The following TRAPPC9 variants were observed in gnomAD, a reference collection of about 807,000 sequenced individuals.
TRAPPC9 encodes the protein trafficking protein particle complex subunit 9, also known as IKK2 binding protein.
Under a neutral mutation model 124.0 loss-of-function variants are expected in TRAPPC9, and 83 were observed. That is an observed-to-expected ratio of 0.67 (90% CI 0.56 to 0.80). The LOEUF (loss-of-function observed/expected upper bound fraction) is 0.80, where lower values mean the gene tolerates loss of function less well. TRAPPC9 is among the 30% of genes least tolerant of loss of function. TRAPPC9 has a pLI of 0.00. For missense variants in TRAPPC9, 1,302 were observed against 1,508.3 expected (o/e 0.86, Z 2.27); for synonymous variants, 638 against 617.5 (o/e 1.03, Z -0.49).
chr8:140,133,963 C>A (rs574215564), intron 17 of TRAPPC9, among the ~76,000 whole-genome samples: 202 of 150,698 alleles, frequency 1.3e-3, no homozygotes, highest in Non-Finnish European at 2.1e-3. Flanking sequence ...TGTTAAGATG[C>A]CAATACTACC....
At position 139,984,607 on chromosome 8, in the gene TRAPPC9, C is replaced by T. The variant is rs1434728861; in HGVS notation, c.2810+4119G>A. On this transcript the variant is annotated intron_variant, in intron 19 of 22. Transcript: ENST00000438773. The surrounding 1 kb of genome is among the most constrained non-coding windows in gnomAD (Gnocchi z 4.3). ...GGTCTGAGGTCTGTAAGGTGCTGTC[C>T]GGCGTTGCGAAGTAAGGTAGAGCCA... Among the ~76,000 whole-genome samples, 5 of 152,106 alleles carry T rather than the reference C, an allele frequency of 3.3e-5. No individual in the cohort carries two copies. In the East Asian group the frequency reaches 7.7e-4, roughly 23 times the overall value.
At chr8:140,143,313 T>A (rs1185742471) in intron 17 of TRAPPC9, among the ~76,000 whole-genome samples, 1 of 152,218 alleles carries the variant, frequency 6.6e-6, no homozygotes, top group Non-Finnish European at 1.5e-5. Context: ...AGGCTTCAGC[T>A]GCACTGCCCA....
At chr8:140,278,800 G>A (rs1396022482) in intron 14 of TRAPPC9, among the ~76,000 whole-genome samples, 1 of 152,228 alleles carries the variant, frequency 6.6e-6, no homozygotes, top group Non-Finnish European at 1.5e-5. Flanking sequence ...AATGCTCTCT[G>A]CCACATCCCA....
chr8:139,772,826 T>C (rs745723386), intron 21 of TRAPPC9, among the ~76,000 whole-genome samples: 23 of 151,688 alleles, frequency 1.5e-4, no homozygotes, highest in Non-Finnish European at 2.1e-4. Flanking sequence ...ACTGGTGTCA[T>C]TATAAGAGGA....
At chr8:140,339,345 A>G (rs927495057) in intron 9 of TRAPPC9, among the ~76,000 whole-genome samples, 1 of 152,272 alleles carries the variant, frequency 6.6e-6, no homozygotes, top group Non-Finnish European at 1.5e-5. Context: ...TCTAATAATT[A>G]TTCTCTGTCA....
At chr8:140,335,342 G>A (rs2067006604) in intron 9 of TRAPPC9, among the ~76,000 whole-genome samples, 1 of 152,054 alleles carries the variant, frequency 6.6e-6, no homozygotes, top group Non-Finnish European at 1.5e-5. Context: ...ATGGGAAGAG[G>A]GGAAATCCCC....
At chr8:140,439,340 C>G (rs762327341) in intron 2 of TRAPPC9, 143 bp from the exon 3 acceptor site, 3 of 930,708 alleles carry the variant, frequency 3.2e-6, no homozygotes, top group Non-Finnish European at 4.8e-6. Flanking sequence ...CAGCAATAAT[C>G]ATTGCCAGTT....
In TRAPPC9 at chr8:140,024,055, T is replaced by C; in HGVS notation, c.2581A>G (p.Lys861Glu). 3.1e-6 allele frequency: 5 copies of C among 1,613,880 alleles called. No homozygotes were observed. The change falls in exon 18 of 23, where the codon AAA becomes GAA. Residue 861 changes from lysine (K) to glutamate (E), a missense_variant. Lys to Glu is a moderately conservative substitution (Grantham distance 56). This residue lies in a region of TRAPPC9 where 640 missense variants were observed against 679.3 expected (regional missense o/e 0.94). Transcript: ENST00000438773. ...VKTLEAVLNF[K>E]YSGGPGHTEG... ...GTGTGGCCCGGGCCTCCAGAGTATT[T>C]GAAATTCAGGACAGCTTCCAGGGTC... is the stretch of plus-strand genomic sequence containing the variant.
chr8:140,148,250 GA>G, intron 17 of TRAPPC9, among the ~76,000 whole-genome samples: 1 of 152,334 alleles, frequency 6.6e-6, no homozygotes, highest in South Asian at 2.1e-4. Flanking sequence ...AATAAAAAAT[GA>G]TGCTCTCGGT....
intron 16 of TRAPPC9, among the ~76,000 whole-genome samples, chr8:140,233,623 C>CCACACACACACACACACACACACA (rs35452775): frequency 2.8e-4 from 25 of 90,860 alleles, no homozygotes; most frequent in African/African-American, 4.8e-4. Flanking sequence ...TCTCTCCCCA[C>CCACACACACACACACACACACACA]CACACACACA....
At chr8:140,146,740 A>G (rs1402055301) in intron 17 of TRAPPC9, among the ~76,000 whole-genome samples, 1 of 152,092 alleles carries the variant, frequency 6.6e-6, no homozygotes, top group South Asian at 2.1e-4. Context: ...TTCATAATGA[A>G]TGTAACTCAT....
At chr8:140,207,147 T>C (rs2131215284) in intron 17 of TRAPPC9, among the ~76,000 whole-genome samples, 1 of 152,324 alleles carries the variant, frequency 6.6e-6, no homozygotes, top group East Asian at 1.9e-4. Flanking sequence ...TCCTTCACCA[T>C]AAGAACTCCT....
At chr8:139,770,563 G>C (rs965317531) in intron 21 of TRAPPC9, among the ~76,000 whole-genome samples, 2 of 152,220 alleles carry the variant, frequency 1.3e-5, no homozygotes, top group Non-Finnish European at 2.9e-5. Context: ...GTGAAACTGC[G>C]CAAACAGTGC....
At chr8:139,974,011 C>A (rs72683290) in intron 19 of TRAPPC9, among the ~76,000 whole-genome samples, 8,434 of 152,192 alleles carry the variant, frequency 0.055, 285 homozygotes, top group African/African-American at 0.083. Flanking sequence ...TCGAGAGCGG[C>A]CTGACGGCTC....
At chr8:140,362,739 A>G (rs571596045) in intron 8 of TRAPPC9, among the ~76,000 whole-genome samples, 19 of 152,296 alleles carry the variant, frequency 1.2e-4, no homozygotes, top group Admixed American at 3.3e-4. Context: ...ATGAAGCTGA[A>G]ATCAATGTCA....
rs77519491 is a variant in TRAPPC9 at position 140,086,613 on chromosome 8, A to C, written c.2557-62534T>G. Among the ~76,000 whole-genome samples, 336 of 152,116 alleles carry C rather than the reference A, an allele frequency of 2.2e-3. 4 individuals carry two copies. The East Asian group carries it at 0.029, about 13-fold the overall frequency. On this transcript the variant is annotated intron_variant, in intron 17 of 22. Transcript: ENST00000438773. ...CAGTGCACACAATCACACACTGCCA[A>C]CACCACCTTCAAAACATCCCTCTCT...
intron 19 of TRAPPC9, among the ~76,000 whole-genome samples, chr8:139,947,055 G>A (rs1280406525): frequency 5.3e-5 from 8 of 152,124 alleles, no homozygotes; most frequent in Admixed American, 6.5e-5. Flanking sequence ...CACACCCTGC[G>A]TAAGGAAATG....
rs116821413 is a variant in TRAPPC9 at position 139,764,674 on chromosome 8, G to A, written c.3056-32472C>T. Among the ~76,000 whole-genome samples the A allele has an allele frequency of 8.3e-3, 1,265 of 152,158 alleles. 20 individuals are homozygous for A. The highest frequency in any genetic ancestry group is 0.029 in the African/African-American group (1,215 of 41,510). On this transcript the variant is annotated intron_variant, in intron 21 of 22. Transcript: ENST00000438773. ...ACACCAGGCTCCACACTTAATGACC[G>A]GAAACCCCAAGTTGGAGGCGTCCCT...
At chr8:139,948,146 C>T (rs1468355802) in intron 19 of TRAPPC9, among the ~76,000 whole-genome samples, 2 of 151,548 alleles carry the variant, frequency 1.3e-5, no homozygotes, top group Non-Finnish European at 2.9e-5. Context: ...CTCTTTCATC[C>T]GGGAACTACG....
Sources: allele counts gnomAD v4.1 joint callset (sites outside exome capture counted in the v4.1 genomes callset), GRCh38; gene constraint gnomAD v4.1.1; regional missense constraint gnomAD v4.1.1; non-coding constraint Gnocchi (gnomAD v3.1); transcripts MANE v1.5; gene names NCBI Gene and HGNC (gene_info 2026-07-23, HGNC 2026-07-21).